Variants in MFHAS1 observed in about 807,000 individuals in gnomAD.
MFHAS1 encodes malignant fibrous histiocytoma-amplified sequence 1.
Under a neutral mutation model 70.4 loss-of-function variants are expected in MFHAS1, and 50 were observed. The observed-to-expected ratio is 0.71, with a 90% CI of 0.57 to 0.90. MFHAS1 has a LOEUF of 0.90. Among genes scored for constraint, MFHAS1 ranks in the 40% least tolerant of loss-of-function variants. The pLI, the probability that MFHAS1 is intolerant of heterozygous loss-of-function variation, is 0.00. For synonymous variants in MFHAS1, 952 were observed against 620.0 expected (o/e 1.54, Z -7.96); for missense variants, 1,795 against 1,347.6 (o/e 1.33, Z -5.20).
At chr8:8,812,099 T>C (rs1654937642) in intron 1 of MFHAS1, among the ~76,000 whole-genome samples, 1 of 152,222 alleles carries the variant, frequency 6.6e-6, no homozygotes, top group African/African-American at 2.4e-5. Flanking sequence ...TCAAGTTCCA[T>C]GTGCGGCGAC....
intron 1 of MFHAS1, among the ~76,000 whole-genome samples, chr8:8,824,209 C>T (rs527399651): frequency 1.3e-5 from 2 of 151,854 alleles, no homozygotes; most frequent in East Asian, 2.0e-4. Flanking sequence ...GCCACCTTCT[C>T]AGGGGCTCTG....
At chr8:8,886,109 T>A (rs9942753) in intron 1 of MFHAS1, among the ~76,000 whole-genome samples, 31,771 of 152,146 alleles carry the variant, frequency 0.21, 4,122 homozygotes, top group African/African-American at 0.36. Flanking sequence ...CAAATAGGTC[T>A]TCTCTCTGAC....
At chr8:8,826,811 T>C (rs1807181567) in intron 1 of MFHAS1, among the ~76,000 whole-genome samples, 1 of 152,192 alleles carries the variant, frequency 6.6e-6, no homozygotes, top group Non-Finnish European at 1.5e-5. Flanking sequence ...CTTACATCTT[T>C]TTTCCATCAG....
chr8:8,845,812 A>T (rs1808010900), intron 1 of MFHAS1, among the ~76,000 whole-genome samples: 1 of 152,082 alleles, frequency 6.6e-6, no homozygotes, highest in African/African-American at 2.4e-5. Flanking sequence ...TCCCCACAAA[A>T]TCTGCTCCTC....
chr8:8,825,859 C>G (rs1807138556), intron 1 of MFHAS1, among the ~76,000 whole-genome samples: 1 of 152,172 alleles, frequency 6.6e-6, no homozygotes, highest in African/African-American at 2.4e-5. Flanking sequence ...GGAGCTGACT[C>G]TTAGTTCTCT....
chr8:8,806,383 G>A (rs182433255), intron 1 of MFHAS1, among the ~76,000 whole-genome samples: 98 of 152,326 alleles, frequency 6.4e-4, no homozygotes, highest in Middle Eastern at 6.8e-3. Context: ...TCCAGGGCCA[G>A]CAAGTGAACC....
At chr8:8,856,128 C>T (rs1253150222) in intron 1 of MFHAS1, among the ~76,000 whole-genome samples, 2 of 152,196 alleles carry the variant, frequency 1.3e-5, no homozygotes, top group Non-Finnish European at 1.5e-5. Flanking sequence ...TCCCCATGAA[C>T]TCCTCACATG....
intron 1 of MFHAS1, among the ~76,000 whole-genome samples, chr8:8,889,280 G>T (rs547913602): frequency 6.6e-6 from 1 of 152,200 alleles, no homozygotes; most frequent in South Asian, 2.1e-4. Context: ...CCGAGGAAAC[G>T]CCCCTCAAAG....
intron 1 of MFHAS1, among the ~76,000 whole-genome samples, chr8:8,839,536 T>C (rs1807725444): frequency 6.6e-6 from 1 of 152,194 alleles, no homozygotes; most frequent in Admixed American, 6.5e-5. Flanking sequence ...TGACTGTGGG[T>C]AAGTAACCAC....
intron 1 of MFHAS1, among the ~76,000 whole-genome samples, chr8:8,827,920 G>C (rs1490151612): frequency 6.6e-6 from 1 of 151,714 alleles, no homozygotes; most frequent in African/African-American, 2.4e-5. Context: ...TTTTTTAAGA[G>C]ACTTTCTTTG....
intron 1 of MFHAS1, among the ~76,000 whole-genome samples, chr8:8,823,925 G>A (rs1039663755): frequency 1.5e-5 from 2 of 129,600 alleles, no homozygotes; most frequent in South Asian, 3.7e-4. Flanking sequence ...GGCCTGTTAC[G>A]CAGTTCTCTA....
At chr8:8,843,722 T>C (rs1807927333) in intron 1 of MFHAS1, among the ~76,000 whole-genome samples, 1 of 152,090 alleles carries the variant, frequency 6.6e-6, no homozygotes, top group South Asian at 2.1e-4. Context: ...CAGAGGCTCA[T>C]TTCTCCCCAC....
intron 1 of MFHAS1, among the ~76,000 whole-genome samples, chr8:8,857,731 G>C (rs548215078): frequency 6.6e-6 from 1 of 151,774 alleles, no homozygotes; most frequent in South Asian, 2.1e-4. Context: ...AGGCACTCTA[G>C]CCTGGGCAAC....
chr8:8,847,337 G>A (rs780458727), intron 1 of MFHAS1, among the ~76,000 whole-genome samples: 2 of 152,026 alleles, frequency 1.3e-5, no homozygotes, highest in Non-Finnish European at 2.9e-5. Context: ...ATGTGCCACC[G>A]CACCCAGCTA....
At chr8:8,866,945 A>T (rs1808882246) in intron 1 of MFHAS1, among the ~76,000 whole-genome samples, 2 of 152,216 alleles carry the variant, frequency 1.3e-5, no homozygotes, top group South Asian at 2.1e-4. Flanking sequence ...GATACAAGAC[A>T]ATTTTTAAGG....
At chr8:8,817,686 G>C (rs1473385550) in intron 1 of MFHAS1, among the ~76,000 whole-genome samples, 2 of 152,252 alleles carry the variant, frequency 1.3e-5, no homozygotes, top group African/African-American at 4.8e-5. Flanking sequence ...CGTGGAAGAT[G>C]ATTTTTCCAG....
chr8:8,890,530 C>A lies in MFHAS1; in HGVS notation c.2529G>T (p.Gly843=). The A allele has an allele frequency of 6.2e-7, 1 of 1,613,446 alleles. No individual in the cohort carries two copies. Among genetic ancestry groups the A allele is most frequent in the Admixed American group, 1.7e-5 (1 of 60,032 alleles). ...LNKPKGKPLN[G]STAWYKFPCY... ...ATGGGAACTTGTACCAAGCTGTGGACCCATTCAAAGGCTTGCCCTTGGGTT... is the reference window on the plus strand; with the variant it reads ...ATGGGAACTTGTACCAAGCTGTGGAACCATTCAAAGGCTTGCCCTTGGGTT... The change falls in exon 1 of 3, where the codon GGG becomes GGT. Residue 843 remains glycine (G), a synonymous_variant. Coordinates refer to ENST00000276282, the MANE Select transcript of MFHAS1 (RefSeq NM_004225.3).
Position 8,893,262 on chromosome 8 carries a change from G to A in MFHAS1, c.-204C>T, listed in dbSNP as rs988263111. 1.9e-5 allele frequency: 3 copies of A among 158,938 alleles called. No homozygotes were observed. The highest frequency in any genetic ancestry group is 6.5e-5 in the Admixed American group (1 of 15,274). The allele number at this position is 158,938 out of a possible 1,614,324, so 9.8% of individuals were successfully genotyped here. ...CGAGCGGCTCCGGGGGACGCCGAGC[G>A]CGTGGAGAGCAGCTTGCATTCTCCC... On this transcript the variant is annotated 5_prime_UTR_variant, in exon 1 of 3. Coordinates refer to ENST00000276282, the MANE Select transcript of MFHAS1 (RefSeq NM_004225.3).
chr8:8,863,085 A>C (rs1226542945), intron 1 of MFHAS1, among the ~76,000 whole-genome samples: 1 of 152,150 alleles, frequency 6.6e-6, no homozygotes, highest in Non-Finnish European at 1.5e-5. Context: ...TTGTTTTGGC[A>C]CCACTTGAAA....
Sources: gnomAD v4.1 joint callset for allele counts (sites outside exome capture counted in the v4.1 genomes callset) on GRCh38, gnomAD v4.1.1 for gene constraint, MANE v1.5 for transcripts, NCBI Gene and HGNC (gene_info 2026-07-23, HGNC 2026-07-21) for gene names.